UGT2B7: variants seen among roughly 807,000 people sequenced by gnomAD.
UGT2B7 encodes the protein UDP glucuronosyltransferase family 2 member B7.
In UGT2B7, 51 loss-of-function variants were observed where a neutral mutation model predicts 51.9. That is an observed-to-expected ratio of 0.98 (90% confidence interval 0.78 to 1.24). UGT2B7 has a LOEUF of 1.24. UGT2B7 is among the 50% of genes most tolerant of loss of function. The pLI is 0.00. For synonymous variants in UGT2B7, 225 were observed against 211.6 expected, an observed-to-expected ratio of 1.06 and a Z score of -0.55; for missense variants, 727 against 628.4, an observed-to-expected ratio of 1.16 and a Z score of -1.68.
At chr4:69,079,419 C>T (rs1718786586) in intron 1 of UGT2B7, among the ~76,000 whole-genome samples, 1 of 152,144 alleles carries the variant, frequency 6.6e-6, no homozygotes, top group Admixed American at 6.6e-5. Flanking sequence ...ACCAACATGG[C>T]ACATGTATAC....
intron 2 of UGT2B7, among the ~76,000 whole-genome samples, chr4:69,099,255 GA>G (rs1719347679): frequency 2.7e-5 from 1 of 37,306 alleles, no homozygotes; most frequent in Non-Finnish European, 4.8e-5. Flanking sequence ...GGGAGAGACA[GA>G]CAAAAAAAAA....
chr4:69,074,469 C>T (rs1718663077), intron 1 of UGT2B7, among the ~76,000 whole-genome samples: 1 of 133,500 alleles, frequency 7.5e-6, no homozygotes, highest in Non-Finnish European at 1.5e-5. Context: ...AAGTCTCATT[C>T]TGATTGTTTC....
At chr4:69,108,371 C>T in intron 5 of UGT2B7, 49 bp downstream of exon 5, 6 of 1,595,132 alleles carry the variant, frequency 3.8e-6, no homozygotes, top group Non-Finnish European at 5.1e-6. Context: ...GATAGCTTCT[C>T]TTGTCAATAG....
intron 1 of UGT2B7, among the ~76,000 whole-genome samples, chr4:69,054,279 T>G (rs537039924): frequency 4.2e-4 from 64 of 152,242 alleles, no homozygotes; most frequent in African/African-American, 1.5e-3. Context: ...CCAAGGCCAG[T>G]GGCCTATCTC....
At chr4:69,083,189 C>T (rs1260446015) in intron 1 of UGT2B7, among the ~76,000 whole-genome samples, 9 of 152,036 alleles carry the variant, frequency 5.9e-5, no homozygotes, top group Admixed American at 5.9e-4. Context: ...CATGGACACC[C>T]AAAAGTTCTG....
intron 1 of UGT2B7, among the ~76,000 whole-genome samples, chr4:69,085,247 T>G (rs1400557327): frequency 1.3e-5 from 2 of 152,184 alleles, no homozygotes; most frequent in Admixed American, 6.6e-5. Context: ...TCATGTTTGT[T>G]GGCTGCATAA....
At chr4:69,057,506 T>C (rs1349958970) in intron 1 of UGT2B7, among the ~76,000 whole-genome samples, 1 of 152,210 alleles carries the variant, frequency 6.6e-6, no homozygotes, top group Non-Finnish European at 1.5e-5. Flanking sequence ...GATTACCATA[T>C]GATGCAGCAA....
chr4:69,074,729 C>T (rs1718667292), intron 1 of UGT2B7, among the ~76,000 whole-genome samples: 2 of 151,884 alleles, frequency 1.3e-5, no homozygotes, highest in Admixed American at 1.3e-4. Flanking sequence ...AATTTTTGTT[C>T]CTTGCTTCAA....
intron 1 of UGT2B7, among the ~76,000 whole-genome samples, chr4:69,055,459 C>T (rs537773830): frequency 6.6e-6 from 1 of 151,518 alleles, no homozygotes; most frequent in South Asian, 2.1e-4. Context: ...AAATATGTAA[C>T]ATTAGACATT....
At position 69,096,734 on chromosome 4, in the gene UGT2B7, C is replaced by G. The variant is rs61154511; in HGVS notation, c.214C>G (p.Leu72Val). ...TTTTGATCCCAACAACTCATCCGCT[C>G]TTAAAATTGAAATTTATCCCACATC... The part of the protein sequence containing the change: ...ILFDPNNSSA[L>V]KIEIYPTSLT... The change falls in exon 1 of 6, where the codon CTT (leucine) becomes GTT (valine). Residue 72 changes from leucine to valine, a missense_variant. Leu to Val is a conservative substitution (Grantham distance 32). Coordinates refer to ENST00000305231, the MANE Select transcript of UGT2B7 (RefSeq NM_001074.4). The G allele has an allele frequency of 2.5e-6, 4 of 1,613,846 alleles. No homozygotes were observed. Among genetic ancestry groups the G allele is most frequent in the Non-Finnish European group, 3.4e-6 (4 of 1,179,922 alleles).
At chr4:69,083,820 A>G (rs544993941) in intron 1 of UGT2B7, among the ~76,000 whole-genome samples, 1 of 151,472 alleles carries the variant, frequency 6.6e-6, no homozygotes, top group South Asian at 2.1e-4. Context: ...ATCATGTCAT[A>G]TGCAGAGAGG....
intron 1 of UGT2B7, among the ~76,000 whole-genome samples, chr4:69,083,238 C>A (rs1297271996): frequency 6.6e-6 from 1 of 152,058 alleles, no homozygotes; most frequent in Non-Finnish European, 1.5e-5. Context: ...TTTTCATGCC[C>A]ACCAACATTG....
At position 69,107,842 on chromosome 4, in the gene UGT2B7, G is replaced by T. The variant is rs1719650396; in HGVS notation, c.1091-261G>T. Among the ~76,000 whole-genome samples, 5 of 151,484 alleles carry T rather than the reference G, an allele frequency of 3.3e-5. No homozygotes were observed. In the South Asian group the frequency reaches 1.0e-3, roughly 32 times the overall value. On this transcript the variant is annotated intron_variant, in intron 4 of 5. Coordinates refer to ENST00000305231, the MANE Select transcript of UGT2B7 (RefSeq NM_001074.4). ...CTATCTCTTTGCTGTCTTCTTTTTTGCACATTTTTGAAATCTAGAATGCAA... is the reference window on the plus strand; with the variant it reads ...CTATCTCTTTGCTGTCTTCTTTTTTTCACATTTTTGAAATCTAGAATGCAA...
In UGT2B7 at chr4:69,112,741, A is replaced by G. The variant is rs376047414; in HGVS notation, c.*5A>G. ...AAGAAGGGAAAAAATGATTAGTTAT[A>G]TCTGAGATTTGAAGCTGGAAAACCT... On this transcript the variant is annotated 3_prime_UTR_variant, in exon 6 of 6. Transcript: ENST00000305231. 11 of 1,613,198 alleles carry G rather than the reference A, an allele frequency of 6.8e-6. No individual in the cohort carries two copies. In the African/African-American group the frequency reaches 1.2e-4, roughly 18 times the overall value.
intron 1 of UGT2B7, among the ~76,000 whole-genome samples, chr4:69,070,566 A>T (rs909808979): frequency 6.6e-6 from 1 of 152,032 alleles, no homozygotes; most frequent in Non-Finnish European, 1.5e-5. Flanking sequence ...GACAAAGGTA[A>T]CTGAGACTTT....
intron 1 of UGT2B7, among the ~76,000 whole-genome samples, chr4:69,055,398 C>T (rs1343850940): frequency 6.7e-6 from 1 of 148,842 alleles, no homozygotes; most frequent in Admixed American, 6.7e-5. Context: ...GAGCTGCAAC[C>T]TTTTAAAATT....
intron 1 of UGT2B7, among the ~76,000 whole-genome samples, chr4:69,088,449 T>C (rs937577234): frequency 2.0e-5 from 3 of 152,120 alleles, no homozygotes; most frequent in African/African-American, 4.8e-5. Context: ...ATCTGAACCT[T>C]AATTCTGCAC....
rs1303547429 is a variant in UGT2B7, at chr4:69,070,344, C to A, written c.-159+18742C>A. On this transcript the variant is annotated intron_variant, in intron 1 of 5. Coordinates refer to the UGT2B7 transcript ENST00000502942. ...TCAACTTTTATTTCAAGTTCGGAAG[C>A]ACATGTGCAAAATGTGCACGTTTGT... Among the ~76,000 whole-genome samples the A allele has an allele frequency of 4.1e-5, 6 of 147,588 alleles. No individual in the cohort carries two copies. In the Admixed American group the frequency reaches 4.1e-4, roughly 10 times the overall value.
chr4:69,094,129 C>CTTTTTTTTTTTTTTTTTT (rs71204074), upstream of UGT2B7, among the ~76,000 whole-genome samples: 1 of 54,116 alleles, frequency 1.8e-5, no homozygotes, highest in Non-Finnish European at 3.1e-5. Flanking sequence ...GTTTTGGTTT[C>CTTTTTTTTTTTTTTTTTT]TTTTTTTTTT....
Sources: allele counts gnomAD v4.1 joint callset (sites outside exome capture counted in the v4.1 genomes callset), GRCh38; gene constraint gnomAD v4.1.1; transcripts MANE v1.5; gene names NCBI Gene and HGNC (gene_info 2026-07-23, HGNC 2026-07-21).